Variants in TYW1B observed in about 807,000 individuals in gnomAD.
The protein encoded by TYW1B is tRNA-yW synthesizing protein 1 homolog B.
TYW1B carries 73 observed loss-of-function variants against 86.9 expected under a neutral mutation model. The observed-to-expected ratio is 0.84, with a 90% confidence interval of 0.70 to 1.02. The LOEUF (loss-of-function observed/expected upper bound fraction) is 1.02, where lower values mean the gene tolerates loss of function less well. TYW1B is among the 50% of genes least tolerant of loss of function. The pLI is 0.00. For synonymous variants in TYW1B, 248 were observed against 292.8 expected, an observed-to-expected ratio of 0.85 and a Z score of 1.56; for missense variants, 637 against 827.4, an observed-to-expected ratio of 0.77 and a Z score of 2.82.
rs370462819 is a variant in TYW1B at position 72,743,104 on chromosome 7, T to C, written c.1082+1380A>G. On this transcript the variant is annotated intron_variant, in intron 8 of 13. Coordinates refer to ENST00000620995, the MANE Select transcript of TYW1B (RefSeq NM_001145440.3). ...TGACTGTGGATGATCCAAGAGAAGA[T>C]ATGCAACAGGAAATTGGAAATGGAG... Among the ~76,000 whole-genome samples, 117 of 152,204 alleles carry C rather than the reference T, an allele frequency of 7.7e-4. 1 individual carries two copies. The highest frequency in any genetic ancestry group is 2.5e-3 in the African/African-American group (105 of 41,522).
chr7:72,717,644 G>GAC (rs71071905), intron 9 of TYW1B, among the ~76,000 whole-genome samples: 7,257 of 146,122 alleles, frequency 0.05, 210 homozygotes, highest in Middle Eastern at 0.069. Flanking sequence ...AGCTGTGCTT[G>GAC]ACACACACAC....
intron 8 of TYW1B, among the ~76,000 whole-genome samples, chr7:72,737,108 T>C (rs2129571210): frequency 6.6e-6 from 1 of 152,256 alleles, no homozygotes; most frequent in Non-Finnish European, 1.5e-5. Flanking sequence ...GTAAGGAAGG[T>C]ATGTTGTTTT....
intron 13 of TYW1B, among the ~76,000 whole-genome samples, chr7:72,578,822 G>A (rs1333861240): frequency 1.4e-4 from 21 of 152,156 alleles, no homozygotes; most frequent in African/African-American, 2.4e-4. Context: ...GCTTGGCCCC[G>A]TAGAGGAGTC....
intron 6 of TYW1B, among the ~76,000 whole-genome samples, chr7:72,789,044 T>A (rs1207500247): frequency 6.6e-6 from 1 of 151,872 alleles, no homozygotes; most frequent in Non-Finnish European, 1.5e-5. Flanking sequence ...TTGCCCAGGC[T>A]GGTCTCAAAC....
chr7:72,772,687 AT>A (rs1787888323), intron 7 of TYW1B, among the ~76,000 whole-genome samples: 1 of 152,158 alleles, frequency 6.6e-6, no homozygotes, highest in African/African-American at 2.4e-5. Context: ...AAAGCATTCA[AT>A]ACCGTTTCTC....
chr7:72,622,486 G>A (rs1812242128), intron 12 of TYW1B, among the ~76,000 whole-genome samples: 3 of 152,146 alleles, frequency 2.0e-5, no homozygotes, highest in Admixed American at 1.3e-4. Flanking sequence ...CAAGGAGGAT[G>A]AATAACCTGT....
At chr7:72,731,767 C>CTG (rs1787115748) in intron 8 of TYW1B, among the ~76,000 whole-genome samples, 45 of 152,162 alleles carry the variant, frequency 3.0e-4, no homozygotes, top group Admixed American at 1.9e-3. Flanking sequence ...CACGGTGAAA[C>CTG]CACGTCTCTA....
At chr7:72,600,706 C>T (rs1367411583) in intron 13 of TYW1B, among the ~76,000 whole-genome samples, 2 of 152,212 alleles carry the variant, frequency 1.3e-5, no homozygotes, top group Non-Finnish European at 2.9e-5. Flanking sequence ...CCTGTCTCAA[C>T]TAAAAATAAG....
chr7:72,777,615 A>G (rs113029820), intron 6 of TYW1B, 82 bp from the exon 7 acceptor site: 41 of 1,529,732 alleles, frequency 2.7e-5, no homozygotes, highest in Middle Eastern at 3.4e-4. Context: ...CCTAGCATCA[A>G]TAAAAAGGTC....
At chr7:72,687,928 C>T (rs546150546) in intron 11 of TYW1B, among the ~76,000 whole-genome samples, 1 of 152,188 alleles carries the variant, frequency 6.6e-6, no homozygotes, top group Admixed American at 6.6e-5. Flanking sequence ...TGGAGCACAT[C>T]TCTATCCCAA....
intron 13 of TYW1B, among the ~76,000 whole-genome samples, chr7:72,576,813 A>G (rs1401655772): frequency 6.8e-6 from 1 of 147,006 alleles, no homozygotes; most frequent in African/African-American, 2.5e-5. Context: ...CACCCGGCCC[A>G]TGCCACTATC....
chr7:72,726,778 T>C (rs1430284753), intron 9 of TYW1B, among the ~76,000 whole-genome samples: 1 of 152,176 alleles, frequency 6.6e-6, no homozygotes, highest in Non-Finnish European at 1.5e-5. Flanking sequence ...CATACTGCTA[T>C]AAAGAACTGC....
At chr7:72,661,510 T>C (rs1371889255) in intron 11 of TYW1B, among the ~76,000 whole-genome samples, 2 of 147,850 alleles carry the variant, frequency 1.4e-5, no homozygotes, top group Non-Finnish European at 3.0e-5. Context: ...AAATTTTAGT[T>C]GCAAGAAAGA....
intron 10 of TYW1B, among the ~76,000 whole-genome samples, chr7:72,709,011 T>G (rs1238584328): frequency 6.6e-6 from 1 of 152,190 alleles, no homozygotes; most frequent in Non-Finnish European, 1.5e-5. Flanking sequence ...ACTTAGGACT[T>G]CCTAACATTT....
At chr7:72,694,868 T>C in intron 10 of TYW1B, 46 bp from the exon 11 acceptor site, 1 of 1,575,772 alleles carries the variant, frequency 6.3e-7, no homozygotes, top group Non-Finnish European at 8.6e-7. Context: ...ATTATTCCTC[T>C]ATCAGGCTTT....
intron 11 of TYW1B, among the ~76,000 whole-genome samples, chr7:72,670,214 T>C (rs1813564889): frequency 6.6e-6 from 1 of 152,206 alleles, no homozygotes; most frequent in Admixed American, 6.5e-5. Flanking sequence ...TTTTTGAGAC[T>C]GAGTTCCACT....
intron 6 of TYW1B, among the ~76,000 whole-genome samples, chr7:72,783,436 GA>G (rs1788081609): frequency 6.8e-6 from 1 of 147,976 alleles, no homozygotes; most frequent in Non-Finnish European, 1.5e-5. Context: ...ACATGAAGTA[GA>G]ATTTTAATAT....
intron 6 of TYW1B, among the ~76,000 whole-genome samples, chr7:72,799,199 C>T (rs1788361562): frequency 6.8e-6 from 1 of 146,030 alleles, no homozygotes. Context: ...TGCTCTGTTG[C>T]CCAGGCTTGA....
intron 13 of TYW1B, among the ~76,000 whole-genome samples, chr7:72,615,196 T>G (rs2129568380): frequency 6.6e-6 from 1 of 152,372 alleles, no homozygotes; most frequent in South Asian, 2.1e-4. Flanking sequence ...GCTATCTATT[T>G]CCTCTATCCT....
Sources: gnomAD v4.1 joint callset for allele counts (sites outside exome capture counted in the v4.1 genomes callset) on GRCh38, gnomAD v4.1.1 for gene constraint, MANE v1.5 for transcripts, NCBI Gene and HGNC (gene_info 2026-07-23, HGNC 2026-07-21) for gene names.